Variants in MYO3B observed in about 807,000 individuals in gnomAD.
MYO3B encodes the protein myosin-IIIb.
Under a neutral mutation model 174.6 loss-of-function variants are expected in MYO3B, and 156 were observed. The ratio of observed to expected loss-of-function variants is 0.89; its 90% confidence interval spans 0.78 to 1.02. The LOEUF is 1.02. Among genes scored for constraint, MYO3B ranks in the 50% least tolerant of loss-of-function variants. The pLI is 0.00. For synonymous variants in MYO3B, 563 were observed against 569.1 expected, an observed-to-expected ratio of 0.99 and a Z score of 0.15; for missense variants, 1,632 against 1,639.4, an observed-to-expected ratio of 1.00 and a Z score of 0.08.
intron 7 of MYO3B, among the ~76,000 whole-genome samples, chr2:170,254,448 A>G (rs2093285936): frequency 6.6e-6 from 1 of 152,150 alleles, no homozygotes; most frequent in South Asian, 2.1e-4. Flanking sequence ...GGCGCATCTG[A>G]TCTGCATGCT....
intron 23 of MYO3B, among the ~76,000 whole-genome samples, chr2:170,455,473 G>A (rs1187058937): frequency 1.3e-5 from 2 of 152,160 alleles, no homozygotes; most frequent in African/African-American, 4.8e-5. Flanking sequence ...GCCATCTACT[G>A]GCTGTAGGAC....
At chr2:170,242,069 G>T (rs1352946128) in intron 7 of MYO3B, among the ~76,000 whole-genome samples, 2 of 152,174 alleles carry the variant, frequency 1.3e-5, no homozygotes, top group East Asian at 3.9e-4. Context: ...TGAGTGAGGG[G>T]TGCTGAGTGT....
Position 170,474,575 on chromosome 2 carries a change from T to TAAAA in MYO3B, c.3014+7873_3014+7876dup, listed in dbSNP as rs539010938. 7.6e-5 allele frequency among the ~76,000 whole-genome samples: 11 copies of TAAAA among 143,994 alleles called. No individual in the cohort carries two copies. In the South Asian group the frequency reaches 2.4e-3, roughly 32 times the overall value. The allele number at this position is 143,994 out of a possible 152,430, so 94.5% of individuals were successfully genotyped here. A position where few individuals can be genotyped will look rare whatever the true frequency, so the allele number is the denominator to read the frequency against. The stretch of plus-strand genomic sequence containing the variant: ...AACATGGAGAAACCCTGTCTCTACT[T>TAAAA]AAAAAAAAAAAATAATAATAAGCCA... On this transcript the variant is annotated intron_variant, in intron 25 of 34. Coordinates refer to ENST00000408978, the MANE Select transcript of MYO3B (RefSeq NM_138995.5).
chr2:170,401,754 G>T, intron 18 of MYO3B, 63 bp downstream of exon 18: 2 of 1,393,648 alleles, frequency 1.4e-6, no homozygotes, highest in Non-Finnish European at 2.0e-6. Context: ...GTCTCTTAGA[G>T]TTTGCAAAAG....
rs74389355 is a variant in MYO3B, at chr2:170,244,266, A to G, written c.749+8130A>G. Among the ~76,000 whole-genome samples the G allele has an allele frequency of 9.1e-3, 1,390 of 152,300 alleles. 39 individuals are homozygous for G. Among genetic ancestry groups the G allele is most frequent in the East Asian group, 0.086 (447 of 5,192 alleles). On this transcript the variant is annotated intron_variant, in intron 7 of 34. Coordinates refer to ENST00000408978, the MANE Select transcript of MYO3B (RefSeq NM_138995.5). ...TTTTTTTGTCTGCAGATAAAGGGAC[A>G]ATAGCAAGAGTTCTAAACTTAGGGT...
At chr2:170,516,605 T>C (rs915773222) in intron 29 of MYO3B, among the ~76,000 whole-genome samples, 9 of 146,640 alleles carry the variant, frequency 6.1e-5, no homozygotes, top group African/African-American at 2.3e-4. Context: ...ATCGCGCCAC[T>C]GAACTACAGC....
chr2:170,556,751 A>G (rs1575160460), intron 32 of MYO3B, among the ~76,000 whole-genome samples: 1 of 152,172 alleles, frequency 6.6e-6, no homozygotes, highest in Non-Finnish European at 1.5e-5. Context: ...CGAACTCCTG[A>G]CCTCAGGTGC....
At chr2:170,567,969 G>T (rs2355826) in intron 32 of MYO3B, among the ~76,000 whole-genome samples, 85,867 of 152,088 alleles carry the variant, frequency 0.56, 27,450 homozygotes, top group Non-Finnish European at 0.72. Context: ...TTCAAGCAAG[G>T]TGCCAAGGTG....
chr2:170,459,997 G>C (rs187658703), intron 23 of MYO3B, among the ~76,000 whole-genome samples: 1 of 152,018 alleles, frequency 6.6e-6, no homozygotes, highest in East Asian at 1.9e-4. Context: ...TTCCCAGCCC[G>C]TACCTCTCCC....
At position 170,501,084 on chromosome 2, in the gene MYO3B, G is replaced by C. The variant is rs893835295; in HGVS notation, c.3290-701G>C. ...CTTCGAGAGTTGTGATGCTGAGACG[G>C]GAGGAACAAAGACATTATGCTCCTC... On this transcript the variant is annotated intron_variant, in intron 27 of 34. Coordinates refer to ENST00000408978, the MANE Select transcript of MYO3B (RefSeq NM_138995.5). Among the ~76,000 whole-genome samples the C allele has an allele frequency of 2.0e-4, 4 of 20,312 alleles. No individual in the cohort carries two copies. In the Non-Finnish European group the frequency reaches 0.01, roughly 53 times the overall value. The allele number at this position is 20,312 out of a possible 152,430, so 13.3% of individuals were successfully genotyped here.
intron 32 of MYO3B, among the ~76,000 whole-genome samples, chr2:170,578,168 C>T (rs1162684047): frequency 6.6e-6 from 1 of 152,198 alleles, no homozygotes; most frequent in Non-Finnish European, 1.5e-5. Flanking sequence ...CATATGCTCT[C>T]CCCACAACCC....
intron 22 of MYO3B, among the ~76,000 whole-genome samples, chr2:170,418,442 A>G (rs2094595005): frequency 1.3e-5 from 2 of 152,246 alleles, no homozygotes. Flanking sequence ...TGGAATCTGG[A>G]GAAGTGTGAT....
intron 7 of MYO3B, among the ~76,000 whole-genome samples, chr2:170,273,306 G>A (rs1318728654): frequency 2.0e-5 from 3 of 152,114 alleles, no homozygotes; most frequent in Non-Finnish European, 4.4e-5. Flanking sequence ...GGGAACTGGA[G>A]GCGAAACTAG....
intron 32 of MYO3B, among the ~76,000 whole-genome samples, chr2:170,634,757 T>TCAAA (rs1697321912): frequency 6.6e-6 from 1 of 152,070 alleles, no homozygotes; most frequent in Non-Finnish European, 1.5e-5. Flanking sequence ...TACAAAGAAC[T>TCAAA]CAAACAAATT....
chr2:170,501,703 T>C, intron 27 of MYO3B, 82 bp from the exon 28 acceptor site: 1 of 906,894 alleles, frequency 1.1e-6, no homozygotes, highest in South Asian at 1.5e-5. Context: ...GGCAATAGGC[T>C]GGAGGGGAAA....
At chr2:170,412,625 C>T (rs2094553008) in intron 22 of MYO3B, among the ~76,000 whole-genome samples, 1 of 152,170 alleles carries the variant, frequency 6.6e-6, no homozygotes, top group African/African-American at 2.4e-5. Context: ...CTGCTGAAAT[C>T]CTTGCAGTCA....
intron 32 of MYO3B, among the ~76,000 whole-genome samples, chr2:170,580,718 A>ATATATATATATATATGTGTG (rs768974458): frequency 2.1e-5 from 3 of 142,776 alleles, no homozygotes; most frequent in African/African-American, 7.8e-5. Context: ...AACCTTATAT[A>ATATATATATATATATGTGTG]TGTGTGTGTG....
rs191126094 is a variant in MYO3B, at chr2:170,575,700, T to C, written c.3733+31712T>C. 9.2e-5 allele frequency among the ~76,000 whole-genome samples: 14 copies of C among 152,330 alleles called. No individual in the cohort carries two copies. In the East Asian group the frequency reaches 2.7e-3, roughly 29 times the overall value. On this transcript the variant is annotated intron_variant, in intron 32 of 34. Transcript: ENST00000408978. ...CCTAAAATAGTCAGTTACCTCTGGG[T>C]AACAAGATTATAGGCAGTCCTTACT...
At chr2:170,261,217 T>G (rs2093343617) in intron 7 of MYO3B, among the ~76,000 whole-genome samples, 1 of 151,788 alleles carries the variant, frequency 6.6e-6, no homozygotes, top group African/African-American at 2.4e-5. Context: ...AGAGACGGGG[T>G]TTCTCCATGT....
Sources: gnomAD v4.1 joint callset for allele counts (sites outside exome capture counted in the v4.1 genomes callset) on GRCh38, gnomAD v4.1.1 for gene constraint, MANE v1.5 for transcripts, NCBI Gene and HGNC (gene_info 2026-07-23, HGNC 2026-07-21) for gene names.